JAK1: variants seen among roughly 807,000 people sequenced by gnomAD.
The protein encoded by JAK1 is tyrosine-protein kinase JAK1.
JAK1 carries 16 observed loss-of-function variants against 136.6 expected under a neutral mutation model. The observed-to-expected ratio is 0.12, with a 90% CI of 0.08 to 0.18. The LOEUF (loss-of-function observed/expected upper bound fraction) is 0.18, where lower values mean the gene tolerates loss of function less well. JAK1 is among the 10% of genes least tolerant of loss of function. The probability of loss-of-function intolerance (pLI) is 1.00; values close to 1 mark genes in which losing one functional copy is unlikely to be tolerated. For synonymous variants in JAK1, 492 were observed against 519.5 expected (o/e 0.95, Z 0.72); for missense variants, 859 against 1,450.1 (o/e 0.59, Z 6.62).
At chr1:64,895,800 A>G (rs535978351) in intron 1 of JAK1, among the ~76,000 whole-genome samples, 96 of 152,328 alleles carry the variant, frequency 6.3e-4, no homozygotes, top group Admixed American at 1.0e-3. Flanking sequence ...ATTCTGCCAA[A>G]CCACTCTTCT....
At position 64,838,445 on chromosome 1, in the gene JAK1, A is replaced by G. The variant is rs749804148; in HGVS notation, c.2967+20T>C. 5.0e-6 allele frequency: 8 copies of G among 1,612,866 alleles called. No homozygotes were observed. The South Asian group carries it at 8.8e-5, about 18-fold the overall frequency. ...AGTGCCTGATGTCTTAATCTGTAAC[A>G]TGATGTCTTTATTTTTTACCTTACA... On this transcript the variant is annotated intron_variant, in intron 21 of 24. Transcript: ENST00000342505.
intron 10 of JAK1, among the ~76,000 whole-genome samples, chr1:64,856,188 T>C (rs1490331645): frequency 6.6e-6 from 1 of 152,214 alleles, no homozygotes; most frequent in Non-Finnish European, 1.5e-5. Flanking sequence ...AAAACCACAC[T>C]GGGAGCTGGT....
At chr1:64,910,297 T>C (rs1645261200) in intron 1 of JAK1, among the ~76,000 whole-genome samples, 1 of 151,972 alleles carries the variant, frequency 6.6e-6, no homozygotes, top group Non-Finnish European at 1.5e-5. Flanking sequence ...ACATAGACAT[T>C]AAGGATGGGC....
chr1:64,961,585 C>G (rs1191118034), intron 1 of JAK1, among the ~76,000 whole-genome samples: 1 of 152,142 alleles, frequency 6.6e-6, no homozygotes, highest in Non-Finnish European at 1.5e-5. Flanking sequence ...TCCTTCCGCT[C>G]CCTCCCAAGC....
intron 1 of JAK1, among the ~76,000 whole-genome samples, chr1:65,052,469 G>A (rs1272624712): frequency 6.6e-6 from 1 of 151,770 alleles, no homozygotes; most frequent in African/African-American, 2.4e-5. Context: ...CCTGAGGTCG[G>A]CAGTTCAAGA....
chr1:65,003,568 A>C (rs893320606), intron 2 of JAK1: 1 of 152,196 alleles, frequency 6.6e-6, no homozygotes, highest in African/African-American at 2.4e-5. Context: ...GGAGGGATTT[A>C]AATGGGTGTC....
At chr1:64,865,165 C>A (rs77340649) in intron 7 of JAK1, among the ~76,000 whole-genome samples, 193 bp from the exon 8 acceptor site, 2 of 152,166 alleles carry the variant, frequency 1.3e-5, no homozygotes, top group Non-Finnish European at 2.9e-5. Context: ...ATCAGGGAAT[C>A]CTGGGCTTTC....
intron 2 of JAK1, among the ~76,000 whole-genome samples, chr1:65,019,037 A>G (rs1047178503): frequency 6.6e-5 from 10 of 152,070 alleles, no homozygotes; most frequent in African/African-American, 2.2e-4. Flanking sequence ...AAATAATACA[A>G]AAAACAAAAA....
intron 3 of JAK1, among the ~76,000 whole-genome samples, 153 bp downstream of exon 3, chr1:64,883,124 C>T (rs984822853): frequency 6.6e-6 from 1 of 152,198 alleles, no homozygotes; most frequent in East Asian, 1.9e-4. Context: ...CCTAAGGTCA[C>T]GTGCAAGTGG....
intron 2 of JAK1, among the ~76,000 whole-genome samples, chr1:65,000,358 C>A (rs560145072): frequency 6.6e-6 from 1 of 152,128 alleles, no homozygotes; most frequent in South Asian, 2.1e-4. Flanking sequence ...ATAGTTACAG[C>A]CTGGCAAGAT....
At chr1:65,004,148 C>A (rs568105125) in intron 2 of JAK1, 1 of 152,200 alleles carries the variant, frequency 6.6e-6, no homozygotes, top group Non-Finnish European at 1.5e-5. Flanking sequence ...ACCATGTTGG[C>A]CAGGCTGGTT....
intron 1 of JAK1, among the ~76,000 whole-genome samples, chr1:65,053,467 A>G (rs889969116): frequency 2.6e-5 from 4 of 152,216 alleles, no homozygotes; most frequent in Non-Finnish European, 5.9e-5. Flanking sequence ...TAAAGAAGCA[A>G]TTTTTAAAGG....
intron 2 of JAK1, among the ~76,000 whole-genome samples, chr1:65,026,470 C>T (rs1056174907): frequency 6.6e-6 from 1 of 152,150 alleles, no homozygotes; most frequent in Non-Finnish European, 1.5e-5. Flanking sequence ...GTGCCAGCTT[C>T]CCCTCTCAAA....
intron 2 of JAK1, chr1:64,985,034 T>C (rs1557743166): frequency 1.2e-6 from 1 of 864,116 alleles, no homozygotes. Context: ...CATCCTTCAA[T>C]AACAAACAAA....
chr1:64,925,656 T>C (rs907188989), intron 1 of JAK1, among the ~76,000 whole-genome samples: 2 of 152,186 alleles, frequency 1.3e-5, no homozygotes, highest in Non-Finnish European at 2.9e-5. Context: ...TTCCACACCA[T>C]GCAATCTAGT....
At chr1:64,847,454 G>T in intron 13 of JAK1, 78 bp downstream of exon 13, 2 of 1,545,188 alleles carry the variant, frequency 1.3e-6, no homozygotes, top group Non-Finnish European at 1.8e-6. Flanking sequence ...AAGGGCAAGG[G>T]TTCTTCTCAA....
At chr1:65,014,219 A>T (rs1290129492) in intron 2 of JAK1, among the ~76,000 whole-genome samples, 1 of 152,182 alleles carries the variant, frequency 6.6e-6, no homozygotes. Flanking sequence ...CTAGAAGACC[A>T]GAGATTATAT....
Position 64,962,045 on chromosome 1 carries a change from AG to A in JAK1, c.-78+4287del, listed in dbSNP as rs533702591. Reference sequence around the variant, plus strand: ...CTCAAACTTCAAAGGAGTGCCATGAAGGGTTCTAGGAAACATTCTACAATCA... The same window carrying A: ...CTCAAACTTCAAAGGAGTGCCATGAAGGTTCTAGGAAACATTCTACAATCA... On this transcript the variant is annotated intron_variant, in intron 1 of 24. Coordinates refer to ENST00000342505, the MANE Select transcript of JAK1 (RefSeq NM_002227.4). Among the ~76,000 whole-genome samples, 6 of 152,346 alleles carry A rather than the reference AG, an allele frequency of 3.9e-5. No individual in the cohort carries two copies. The South Asian group carries it at 1.2e-3, about 32-fold the overall frequency.
chr1:64,924,018 T>C (rs55957477), intron 1 of JAK1, among the ~76,000 whole-genome samples: 192 of 152,286 alleles, frequency 1.3e-3, no homozygotes, highest in African/African-American at 4.5e-3. Flanking sequence ...CTGTCACGAG[T>C]ACATCAGAAG....
Sources: gnomAD v4.1 joint callset for allele counts (sites outside exome capture counted in the v4.1 genomes callset) on GRCh38, gnomAD v4.1.1 for gene constraint, MANE v1.5 for transcripts, NCBI Gene and HGNC (gene_info 2026-07-23, HGNC 2026-07-21) for gene names.